Variants in CHD9 observed in about 807,000 individuals in gnomAD.
The protein encoded by CHD9 is ATP-dependent chromatin remodeler CHD9.
CHD9 carries 77 observed loss-of-function variants against 316.1 expected under a neutral mutation model. The observed-to-expected ratio is 0.24, with a 90% CI of 0.20 to 0.29. The LOEUF (loss-of-function observed/expected upper bound fraction) is 0.29, where lower values mean the gene tolerates loss of function less well. Ranked by LOEUF, CHD9 falls within the 10% of genes least tolerant of loss-of-function variation. CHD9 has a pLI of 1.00. For synonymous variants in CHD9, 1,129 were observed against 1,158.3 expected, an observed-to-expected ratio of 0.97 and a Z score of 0.51; for missense variants, 2,763 against 3,438.1, an observed-to-expected ratio of 0.80 and a Z score of 4.91.
At chr16:53,202,033 T>A (rs1173152520) in intron 2 of CHD9, among the ~76,000 whole-genome samples, 2 of 77,062 alleles carry the variant, frequency 2.6e-5, no homozygotes, top group Admixed American at 1.1e-4. Flanking sequence ...TAAGTTTAAA[T>A]TTTTTTTTTT....
intron 20 of CHD9, among the ~76,000 whole-genome samples, chr16:53,266,319 C>T (rs537472327): frequency 3.7e-4 from 57 of 152,218 alleles, no homozygotes; most frequent in African/African-American, 1.4e-3. Flanking sequence ...TAATGCATTC[C>T]ATACATATTA....
intron 24 of CHD9, among the ~76,000 whole-genome samples, chr16:53,279,070 T>G (rs2053153563): frequency 6.6e-6 from 1 of 152,204 alleles, no homozygotes; most frequent in African/African-American, 2.4e-5. Flanking sequence ...GTACGTATAT[T>G]GCGGCACTAT....
At chr16:53,192,919 A>C (rs2044591052) in intron 2 of CHD9, among the ~76,000 whole-genome samples, 1 of 152,222 alleles carries the variant, frequency 6.6e-6, no homozygotes, top group Non-Finnish European at 1.5e-5. Context: ...AATTATGAAT[A>C]AAGCCTCTAT....
At chr16:53,260,516 G>A (rs1327782192) in intron 19 of CHD9, among the ~76,000 whole-genome samples, 1 of 151,964 alleles carries the variant, frequency 6.6e-6, no homozygotes, top group Non-Finnish European at 1.5e-5. Context: ...TATAATATGT[G>A]GTTTCTCGTT....
intron 37 of CHD9, 115 bp from the exon 38 acceptor site, chr16:53,321,411 G>A: frequency 2.9e-6 from 4 of 1,388,328 alleles, no homozygotes; most frequent in South Asian, 3.6e-5. Context: ...ATTACCTAAG[G>A]TGGTTCAAAA....
In CHD9 at chr16:53,109,686, T is replaced by TTTG. The variant is rs1194715518; in HGVS notation, c.-164-46238_-164-46237insGTT. Among the ~76,000 whole-genome samples, 4 of 97,968 alleles carry TTTG rather than the reference T, an allele frequency of 4.1e-5. No homozygotes were observed. The East Asian group carries it at 1.1e-3, about 26-fold the overall frequency. The allele number at this position is 97,968 out of a possible 152,430, so 64.3% of individuals were successfully genotyped here. A position where few individuals can be genotyped will look rare whatever the true frequency, so the allele number is the denominator to read the frequency against. On this transcript the variant is annotated intron_variant, in intron 1 of 38. Coordinates refer to ENST00000447540, the MANE Select transcript of CHD9 (RefSeq NM_001308319.2). ...TTTGGATTCCCAGTTTCTTTTTTTT[T>TTTG]TTTTTTTTTTTTTTTTGAGATGGAG... is the stretch of plus-strand genomic sequence containing the variant.
rs754779388 is a variant in CHD9 at position 53,156,869 on chromosome 16, T to G, written c.780T>G (p.Thr260=). ...GNFNGPSPNM[T]SCSVSNSQQF... ...TTAATGGACCTTCCCCAAATATGAC[T>G]TCTTGTTCTGTCAGTAATTCACAGC... Residue 260 remains threonine (T), a synonymous_variant, in exon 2 of 39, where the codon ACT becomes ACG. Transcript: ENST00000447540. 6.2e-7 allele frequency: 1 copy of G among 1,613,644 alleles called. No homozygotes were observed. Among genetic ancestry groups the G allele is most frequent in the South Asian group, 1.1e-5 (1 of 91,076 alleles).
chr16:53,112,557 G>T (rs953698277), intron 1 of CHD9, among the ~76,000 whole-genome samples: 1 of 152,108 alleles, frequency 6.6e-6, no homozygotes, highest in African/African-American at 2.4e-5. Context: ...CATTCTTTTT[G>T]TTTAGCACTT....
At chr16:53,077,824 A>T (rs893330366) in intron 1 of CHD9, among the ~76,000 whole-genome samples, 2 of 152,152 alleles carry the variant, frequency 1.3e-5, no homozygotes, top group African/African-American at 4.8e-5. Flanking sequence ...CTGTAATTCT[A>T]ACACTTTGGG....
At chr16:53,124,414 G>A (rs1417590755) in intron 1 of CHD9, among the ~76,000 whole-genome samples, 2 of 151,256 alleles carry the variant, frequency 1.3e-5, no homozygotes, top group Non-Finnish European at 2.9e-5. Flanking sequence ...GAGAGAGAGA[G>A]CATGTGTTGG....
intron 27 of CHD9, among the ~76,000 whole-genome samples, chr16:53,288,816 C>T (rs1048835378): frequency 6.6e-6 from 1 of 151,936 alleles, no homozygotes; most frequent in Non-Finnish European, 1.5e-5. Context: ...TAACCATAGA[C>T]CCACCTTCTC....
chr16:53,287,121 G>C (rs752800456), intron 26 of CHD9, among the ~76,000 whole-genome samples: 34 of 152,098 alleles, frequency 2.2e-4, no homozygotes, highest in Non-Finnish European at 3.5e-4. Flanking sequence ...ACCATGCCCA[G>C]CTAATTTTCT....
chr16:53,279,111 A>G (rs112324201), intron 24 of CHD9, among the ~76,000 whole-genome samples: 32,473 of 152,158 alleles, frequency 0.21, 3,874 homozygotes, highest in Middle Eastern at 0.29. Context: ...AACCAACCCA[A>G]ATGTCCATCA....
At position 53,226,430 on chromosome 16, in the gene CHD9, C is replaced by A; in HGVS notation, c.1961C>A (p.Ser654Tyr). The part of the protein sequence containing the change: ...KYAEDIEGKQ[S>Y]EEEVKGSMKI... The stretch of plus-strand genomic sequence containing the variant: ...GCAGAAGATATAGAAGGGAAGCAAT[C>A]TGAAGAAGAGGTTAAAGGTTCTATG... Residue 654 changes from serine (S) to tyrosine (Y), a missense_variant, in exon 5 of 39, where the codon TCT (serine) becomes TAT (tyrosine). Coordinates refer to ENST00000447540, the MANE Select transcript of CHD9 (RefSeq NM_001308319.2). 1.2e-6 allele frequency: 2 copies of A among 1,603,986 alleles called. No individual in the cohort carries two copies. The highest frequency in any genetic ancestry group is 1.7e-6 in the Non-Finnish European group (2 of 1,176,532).
chr16:53,266,979 T>G (rs2051757218), intron 20 of CHD9, among the ~76,000 whole-genome samples: 1 of 152,140 alleles, frequency 6.6e-6, no homozygotes, highest in South Asian at 2.1e-4. Flanking sequence ...AATTATGAAT[T>G]AGGTAAAGAA....
intron 1 of CHD9, among the ~76,000 whole-genome samples, chr16:53,144,333 G>T (rs2040387260): frequency 6.6e-6 from 1 of 152,102 alleles, no homozygotes; most frequent in Non-Finnish European, 1.5e-5. Flanking sequence ...TGAGGAAACA[G>T]GGCCGGAGTT....
At chr16:53,076,445 GGCGCCTATAATTCCA>G (rs1305355841) in intron 1 of CHD9, among the ~76,000 whole-genome samples, 2 of 152,008 alleles carry the variant, frequency 1.3e-5, no homozygotes, top group Non-Finnish European at 2.9e-5. Flanking sequence ...CATGGTGGCA[GGCGCCTATAATTCCA>G]GCTACTCAGG....
rs148136779 is a variant in CHD9, at chr16:53,163,282, C to T, written c.1452+5741C>T. Among the ~76,000 whole-genome samples, 8 of 152,234 alleles carry T rather than the reference C, an allele frequency of 5.3e-5. No homozygotes were observed. The East Asian group carries it at 1.5e-3, about 29-fold the overall frequency. On this transcript the variant is annotated intron_variant, in intron 2 of 38. Transcript: ENST00000447540. ...CTAAAGTTCAATGATGTGATCTTGGCTCACCACAACCTCCACATCCCAGTT... is the reference window on the plus strand; with the variant it reads ...CTAAAGTTCAATGATGTGATCTTGGTTCACCACAACCTCCACATCCCAGTT...
At chr16:53,174,069 T>C (rs1175337086) in intron 2 of CHD9, among the ~76,000 whole-genome samples, 2 of 152,178 alleles carry the variant, frequency 1.3e-5, no homozygotes, top group African/African-American at 4.8e-5. Flanking sequence ...CCATGGATTA[T>C]TTTGAAATGT....
Sources: gnomAD v4.1 joint callset for allele counts (sites outside exome capture counted in the v4.1 genomes callset) on GRCh38, gnomAD v4.1.1 for gene constraint, MANE v1.5 for transcripts, NCBI Gene and HGNC (gene_info 2026-07-23, HGNC 2026-07-21) for gene names.